FRY: variants seen among roughly 807,000 people sequenced by gnomAD.
FRY encodes FRY microtubule binding protein.
A neutral mutation model predicts 348.4 loss-of-function variants in FRY; 128 were observed. That is an observed-to-expected ratio of 0.37 (90% confidence interval 0.32 to 0.43). The LOEUF is 0.43. Among genes scored for constraint, FRY ranks in the 20% least tolerant of loss-of-function variants. The pLI, the probability that FRY is intolerant of heterozygous loss-of-function variation, is 1.00. For synonymous variants in FRY, 1,370 were observed against 1,374.7 expected (o/e 1.00, Z 0.08); for missense variants, 2,736 against 3,695.2 (o/e 0.74, Z 6.73).
chr13:32,179,307 G>A (rs1882554476), intron 22 of FRY, among the ~76,000 whole-genome samples: 1 of 152,098 alleles, frequency 6.6e-6, no homozygotes, highest in Non-Finnish European at 1.5e-5. Context: ...TTTGGTTTGT[G>A]TCCTACAACA....
At chr13:32,093,556 C>A (rs1192265513) in intron 2 of FRY, among the ~76,000 whole-genome samples, 1 of 152,154 alleles carries the variant, frequency 6.6e-6, no homozygotes, top group Admixed American at 6.5e-5. Flanking sequence ...GATAGAAAGG[C>A]CTGGTTAGAT....
At chr13:32,205,529 T>C (rs185502656) in intron 31 of FRY, among the ~76,000 whole-genome samples, 16 of 152,282 alleles carry the variant, frequency 1.1e-4, no homozygotes. Context: ...TAACATAACG[T>C]GCAGGAACAG....
intron 28 of FRY, among the ~76,000 whole-genome samples, chr13:32,193,130 C>G (rs1883450812): frequency 6.6e-6 from 1 of 150,702 alleles, no homozygotes; most frequent in Non-Finnish European, 1.5e-5. Context: ...CACTGACCAT[C>G]TAGTATTTGA....
intron 49 of FRY, among the ~76,000 whole-genome samples, chr13:32,250,767 G>A (rs1036069093): frequency 1.3e-5 from 2 of 152,188 alleles, no homozygotes; most frequent in Non-Finnish European, 1.5e-5. Flanking sequence ...TAGGGGAATG[G>A]AACATGTAGC....
intron 11 of FRY, among the ~76,000 whole-genome samples, chr13:32,137,249 C>T (rs1045015858): frequency 6.6e-6 from 1 of 152,102 alleles, no homozygotes; most frequent in South Asian, 2.1e-4. Flanking sequence ...TATATGCATC[C>T]ATTGTCACAT....
At chr13:32,053,989 CA>C (rs11299088) in intron 1 of FRY, among the ~76,000 whole-genome samples, 99,214 of 151,728 alleles carry the variant, frequency 0.65, 32,698 homozygotes, top group African/African-American at 0.69. Context: ...GACTCTCTCT[CA>C]AAAAAAATTA....
chr13:32,061,253 A>T, intron 1 of FRY: 1 of 485,860 alleles, frequency 2.1e-6, no homozygotes, highest in South Asian at 1.5e-5. Context: ...GTTTCAGCGG[A>T]TGGGGGTGGA....
In FRY at chr13:32,199,063, T is replaced by G. The variant is rs763777562; in HGVS notation, c.3747-2878T>G. On this transcript the variant is annotated intron_variant, in intron 29 of 60. Transcript: ENST00000542859. ...CAGGAAATAGACTGAGATGGATATT[T>G]GAACGCAGGACATTTATTAGGGTGG... Among the ~76,000 whole-genome samples, 36 of 152,208 alleles carry G rather than the reference T, an allele frequency of 2.4e-4. 1 individual carries two copies. The highest frequency in any genetic ancestry group is 4.1e-4 in the Non-Finnish European group (28 of 68,034).
At chr13:32,106,659 T>C (rs2138652076) in intron 3 of FRY, among the ~76,000 whole-genome samples, 1 of 152,328 alleles carries the variant, frequency 6.6e-6, no homozygotes, top group Admixed American at 6.5e-5. Flanking sequence ...TTTCTACTTA[T>C]ATCCAATTAG....
intron 34 of FRY, among the ~76,000 whole-genome samples, chr13:32,211,249 G>A (rs942815999): frequency 3.3e-5 from 5 of 152,204 alleles, no homozygotes; most frequent in African/African-American, 1.2e-4. Context: ...GCTGAAGTCA[G>A]GAGTTCAAGA....
At chr13:32,268,500 AAAAAAATATATATATATAT>A (rs1464399381) in intron 55 of FRY, among the ~76,000 whole-genome samples, 2 of 19,006 alleles carry the variant, frequency 1.1e-4, no homozygotes, top group Non-Finnish European at 1.3e-4. Flanking sequence ...AAAAAAAAAA[AAAAAAATATATATATATAT>A]ATATATATAT....
chr13:32,036,633 G>A (rs147383007), intron 1 of FRY, among the ~76,000 whole-genome samples: 1 of 152,056 alleles, frequency 6.6e-6, no homozygotes, highest in African/African-American at 2.4e-5. Context: ...ATTATGCTGA[G>A]ACACTGGGTG....
At chr13:32,122,214 T>C (rs1269301444) in intron 4 of FRY, among the ~76,000 whole-genome samples, 1 of 151,772 alleles carries the variant, frequency 6.6e-6, no homozygotes, top group Non-Finnish European at 1.5e-5. Context: ...GAGGCCGAGG[T>C]GGGTGGATCA....
intron 58 of FRY, among the ~76,000 whole-genome samples, chr13:32,283,153 C>A (rs1300856577): frequency 2.8e-4 from 42 of 149,126 alleles, no homozygotes; most frequent in African/African-American, 8.2e-4. Context: ...AAAAAAAAAA[C>A]AAAACAACAA....
chr13:32,105,852 A>T (rs1374058785), intron 3 of FRY, among the ~76,000 whole-genome samples: 2 of 152,064 alleles, frequency 1.3e-5, no homozygotes, highest in African/African-American at 4.8e-5. Context: ...CTAGGTATCT[A>T]CTGTTTCACT....
At chr13:32,099,705 G>A (rs1328592986) in intron 2 of FRY, among the ~76,000 whole-genome samples, 3 of 151,884 alleles carry the variant, frequency 2.0e-5, no homozygotes. Flanking sequence ...AACTATTCAT[G>A]ATGAATATTT....
intron 31 of FRY, 131 bp from the exon 32 acceptor site, chr13:32,208,722 G>T: frequency 1.9e-6 from 2 of 1,052,242 alleles, no homozygotes; most frequent in East Asian, 2.4e-5. Flanking sequence ...CTGTGGCCTT[G>T]GGGAGCTCCT....
intron 34 of FRY, among the ~76,000 whole-genome samples, chr13:32,211,563 T>G (rs1884687880): frequency 6.6e-6 from 1 of 152,168 alleles, no homozygotes; most frequent in African/African-American, 2.4e-5. Flanking sequence ...ATCACAGAAC[T>G]TTGTATTTCA....
chr13:32,145,514 T>C (rs1311897423), intron 11 of FRY, among the ~76,000 whole-genome samples: 1 of 150,274 alleles, frequency 6.7e-6, no homozygotes, highest in Non-Finnish European at 1.5e-5. Flanking sequence ...CACTCCCCTC[T>C]CTGACTGATT....
Sources: gnomAD v4.1 joint callset for allele counts (sites outside exome capture counted in the v4.1 genomes callset) on GRCh38, gnomAD v4.1.1 for gene constraint, MANE v1.5 for transcripts, NCBI Gene and HGNC (gene_info 2026-07-23, HGNC 2026-07-21) for gene names.